The following MECOM variants were observed in gnomAD, a reference collection of about 807,000 sequenced individuals.
The protein encoded by MECOM is MDS1 and EVI1 complex locus.
Under a neutral mutation model 116.3 loss-of-function variants are expected in MECOM, and 13 were observed. That is an observed-to-expected ratio of 0.11 (90% CI 0.07 to 0.18). The LOEUF (loss-of-function observed/expected upper bound fraction) is 0.18, where lower values mean the gene tolerates loss of function less well. MECOM is among the 10% of genes least tolerant of loss of function. The pLI is 1.00. For synonymous variants in MECOM, 528 were observed against 535.2 expected, an observed-to-expected ratio of 0.99 and a Z score of 0.19; for missense variants, 1,299 against 1,509.0, an observed-to-expected ratio of 0.86 and a Z score of 2.31.
intron 3 of MECOM, among the ~76,000 whole-genome samples, chr3:169,138,443 TGAAA>T (rs1225583881): frequency 6.6e-6 from 1 of 152,158 alleles, no homozygotes; most frequent in African/African-American, 2.4e-5. Flanking sequence ...AAACTATGTT[TGAAA>T]GAGTTTCATC....
At chr3:169,519,845 AC>A (rs1362959859) in intron 1 of MECOM, among the ~76,000 whole-genome samples, 2 of 151,878 alleles carry the variant, frequency 1.3e-5, no homozygotes, top group Admixed American at 1.3e-4. Flanking sequence ...CCTTTAGATA[AC>A]CCCCCCTTGC....
chr3:169,242,272 T>A (rs553382375), intron 2 of MECOM, among the ~76,000 whole-genome samples: 8 of 152,040 alleles, frequency 5.3e-5, no homozygotes, highest in Middle Eastern at 3.4e-3. Flanking sequence ...ATCCTGAGAG[T>A]CCTGTCACAG....
At chr3:169,264,995 C>A (rs139325736) in intron 2 of MECOM, among the ~76,000 whole-genome samples, 1 of 151,846 alleles carries the variant, frequency 6.6e-6, no homozygotes, top group East Asian at 1.9e-4. Context: ...CTGTCAGGAT[C>A]TCTACCAACT....
chr3:169,118,358 G>A (rs767150136), intron 7 of MECOM, among the ~76,000 whole-genome samples: 9 of 152,128 alleles, frequency 5.9e-5, no homozygotes, highest in South Asian at 2.1e-4. Context: ...GAAGATGTGG[G>A]TGATATCTTT....
chr3:169,115,162 C>A (rs1728748315), intron 8 of MECOM, among the ~76,000 whole-genome samples: 1 of 152,140 alleles, frequency 6.6e-6, no homozygotes. Context: ...GAAAAAAATT[C>A]TGTAGGCCTA....
At chr3:169,639,137 C>T (rs377549762) in intron 1 of MECOM, among the ~76,000 whole-genome samples, 1 of 152,100 alleles carries the variant, frequency 6.6e-6, no homozygotes, top group Non-Finnish European at 1.5e-5. Flanking sequence ...TAAATGTTTA[C>T]TTAATAAATG....
intron 2 of MECOM, among the ~76,000 whole-genome samples, chr3:169,361,312 G>T (rs764053567): frequency 6.6e-6 from 1 of 151,812 alleles, no homozygotes; most frequent in Non-Finnish European, 1.5e-5. Flanking sequence ...AAATATGTTA[G>T]GTCTAGTGAA....
rs188161055 is a variant in MECOM, at chr3:169,454,489, C to T, written c.38-72965G>A. On this transcript the variant is annotated intron_variant, in intron 1 of 16. Coordinates refer to ENST00000651503, the MANE Select transcript of MECOM (RefSeq NM_004991.4). The stretch of plus-strand genomic sequence containing the variant: ...CTAAGAATCAAAAGTACAGTGTTTT[C>T]CAGAAGAAAATGTGAGGTTTGCTTT... Among the ~76,000 whole-genome samples, 139 of 149,958 alleles carry T rather than the reference C, an allele frequency of 9.3e-4. 1 individual carries two copies. The highest frequency in any genetic ancestry group is 1.6e-3 in the Non-Finnish European group (110 of 67,724).
intron 1 of MECOM, among the ~76,000 whole-genome samples, chr3:169,439,082 TTAAC>T (rs947017364): frequency 2.7e-5 from 4 of 147,110 alleles, no homozygotes; most frequent in African/African-American, 5.1e-5. Flanking sequence ...ATATATATAA[TTAAC>T]TAAGGATTAG....
intron 1 of MECOM, among the ~76,000 whole-genome samples, chr3:169,440,831 C>A (rs1743519789): frequency 1.3e-5 from 2 of 152,032 alleles, no homozygotes; most frequent in South Asian, 4.2e-4. Flanking sequence ...AGACAGCTCA[C>A]CCCAGACCCA....
chr3:169,238,073 G>C (rs1434945035), intron 2 of MECOM, among the ~76,000 whole-genome samples: 1 of 151,292 alleles, frequency 6.6e-6, no homozygotes, highest in East Asian at 1.9e-4. Flanking sequence ...TAGTCTGGAG[G>C]CTGAGGCAGG....
chr3:169,622,203 C>T (rs1212337960), intron 1 of MECOM, among the ~76,000 whole-genome samples: 1 of 152,130 alleles, frequency 6.6e-6, no homozygotes. Flanking sequence ...GATTCTCCTG[C>T]CTCAGCCTCC....
chr3:169,150,725 C>T (rs1165664989), intron 2 of MECOM, among the ~76,000 whole-genome samples: 2 of 152,112 alleles, frequency 1.3e-5, no homozygotes, highest in African/African-American at 4.8e-5. Context: ...ATTATTTTTT[C>T]TTTCTTGATC....
intron 5 of MECOM, among the ~76,000 whole-genome samples, chr3:169,124,410 G>A (rs929244178): frequency 6.6e-6 from 1 of 152,008 alleles, no homozygotes; most frequent in Non-Finnish European, 1.5e-5. Flanking sequence ...GAAAGAGACT[G>A]CCCTCTGGGG....
At chr3:169,431,859 G>A (rs972052456) in intron 1 of MECOM, among the ~76,000 whole-genome samples, 8 of 152,192 alleles carry the variant, frequency 5.3e-5, no homozygotes, top group African/African-American at 1.9e-4. Flanking sequence ...GGGGTTAGGA[G>A]AGGCCATGCT....
At chr3:169,175,020 A>T (rs1323888371) in intron 2 of MECOM, among the ~76,000 whole-genome samples, 1 of 152,196 alleles carries the variant, frequency 6.6e-6, no homozygotes, top group East Asian at 1.9e-4. Context: ...GGTATAGAGA[A>T]TAGATACTAG....
intron 1 of MECOM, among the ~76,000 whole-genome samples, chr3:169,531,755 G>A (rs1758656228): frequency 6.6e-6 from 1 of 152,172 alleles, no homozygotes; most frequent in African/African-American, 2.4e-5. Flanking sequence ...AATAAAGCCT[G>A]TATAGCAGTA....
At chr3:169,292,104 A>T (rs2149697697) in intron 2 of MECOM, among the ~76,000 whole-genome samples, 1 of 152,176 alleles carries the variant, frequency 6.6e-6, no homozygotes, top group Middle Eastern at 3.4e-3. Flanking sequence ...TTTTTTTGGG[A>T]GGCCGAGGCA....
chr3:169,378,259 C>T (rs1224102472), intron 2 of MECOM, among the ~76,000 whole-genome samples: 2 of 148,980 alleles, frequency 1.3e-5, no homozygotes, highest in Non-Finnish European at 3.0e-5. Context: ...CACCATGGCA[C>T]GTGTATATCT....
Sources: allele counts gnomAD v4.1 joint callset (sites outside exome capture counted in the v4.1 genomes callset), GRCh38; gene constraint gnomAD v4.1.1; transcripts MANE v1.5; gene names NCBI Gene and HGNC (gene_info 2026-07-23, HGNC 2026-07-21).